SPATA22: variants seen among roughly 807,000 people sequenced by gnomAD.
The protein encoded by SPATA22 is spermatogenesis associated 22.
A neutral mutation model predicts 47.8 loss-of-function variants in SPATA22; 29 were observed. The observed-to-expected ratio is 0.61, with a 90% CI of 0.45 to 0.83. The LOEUF (loss-of-function observed/expected upper bound fraction) is 0.83, where lower values mean the gene tolerates loss of function less well. Among genes scored for constraint, SPATA22 ranks in the 40% least tolerant of loss-of-function variants. The pLI, the probability that SPATA22 is intolerant of heterozygous loss-of-function variation, is 0.00. For missense variants in SPATA22, 410 were observed against 421.7 expected (o/e 0.97, Z 0.24); for synonymous variants, 133 against 140.9 (o/e 0.94, Z 0.40).
intron 1 of SPATA22, among the ~76,000 whole-genome samples, chr17:3,505,242 C>T (rs1401352747): frequency 6.6e-6 from 1 of 152,192 alleles, no homozygotes; most frequent in Non-Finnish European, 1.5e-5. Flanking sequence ...AAATTGCAAC[C>T]GTAATGCTTT....
intron 7 of SPATA22, among the ~76,000 whole-genome samples, chr17:3,445,610 C>T (rs1045744329): frequency 2.0e-5 from 3 of 152,040 alleles, no homozygotes; most frequent in Admixed American, 6.6e-5. Flanking sequence ...TACTTTGTTA[C>T]GCAGCAATTG....
chr17:3,468,935 A>AT, intron 2 of SPATA22: 1 of 751,750 alleles, frequency 1.3e-6, no homozygotes, highest in Non-Finnish European at 1.6e-6. Context: ...AGGAGAAGCT[A>AT]TTAGAAAGAC....
rs967025908 is a variant in SPATA22 at position 3,490,362 on chromosome 17, TA to T, written c.-73-20965del. Among the ~76,000 whole-genome samples the T allele has an allele frequency of 1.3e-5, 2 of 152,174 alleles. No individual in the cohort carries two copies. The highest frequency in any genetic ancestry group is 6.5e-5 in the Admixed American group (1 of 15,276). Reference sequence around the variant, plus strand: ...ACTGCACTAAAAAGTCTATTAGTTATAAAAAAAGTTTACTTTAAAATGGAAA... The same window carrying T: ...ACTGCACTAAAAAGTCTATTAGTTATAAAAAAGTTTACTTTAAAATGGAAA... On this transcript the variant is annotated intron_variant, in intron 1 of 8. Coordinates refer to the SPATA22 transcript ENST00000541913. This position sits in a 1 kb window ranked among gnomAD's most constrained non-coding sequence, Gnocchi z 4.6.
intron 5 of SPATA22, among the ~76,000 whole-genome samples, chr17:3,460,735 A>G (rs2073105735): frequency 6.8e-6 from 1 of 146,556 alleles, no homozygotes; most frequent in Non-Finnish European, 1.5e-5. Context: ...CAAGGTTGCA[A>G]TGAGCTATGA....
At chr17:3,479,210 T>A (rs2073584868) in intron 1 of SPATA22, among the ~76,000 whole-genome samples, 1 of 152,178 alleles carries the variant, frequency 6.6e-6, no homozygotes. Flanking sequence ...TTGGGACTCT[T>A]CCAATGGGAG....
chr17:3,504,636 C>A (rs1390340994), intron 1 of SPATA22, among the ~76,000 whole-genome samples: 3 of 151,272 alleles, frequency 2.0e-5, no homozygotes, highest in African/African-American at 7.3e-5. Context: ...CGGCTCACCG[C>A]AACCTCTGCC....
intron 5 of SPATA22, among the ~76,000 whole-genome samples, chr17:3,459,154 G>A (rs1004449868): frequency 6.6e-6 from 1 of 152,054 alleles, no homozygotes; most frequent in Non-Finnish European, 1.5e-5. Context: ...CAGTCAAAGG[G>A]TACAAACTTT....
chr17:3,463,332 G>C lies in SPATA22; in HGVS notation c.173-565C>G, dbSNP rs1487065771. ...TACACAAAGCTGGAGAGTACAGCTT[G>C]CTACACACCTAGGCTATATGTTACA... On this transcript the variant is annotated intron_variant, in intron 3 of 8. Coordinates refer to ENST00000572969, the MANE Select transcript of SPATA22 (RefSeq NM_001170698.2). Among the ~76,000 whole-genome samples, 4 of 152,132 alleles carry C rather than the reference G, an allele frequency of 2.6e-5. No individual in the cohort carries two copies. In the East Asian group the frequency reaches 7.7e-4, roughly 29 times the overall value.
At chr17:3,471,133 C>T (rs1010821764) in intron 1 of SPATA22, among the ~76,000 whole-genome samples, 4 of 149,122 alleles carry the variant, frequency 2.7e-5, no homozygotes, top group African/African-American at 7.5e-5. Context: ...CCAGCCTGGG[C>T]GACAGAGCGA....
intron 1 of SPATA22, among the ~76,000 whole-genome samples, chr17:3,505,757 T>C (rs1237737700): frequency 4.7e-5 from 1 of 21,090 alleles, no homozygotes; most frequent in Non-Finnish European, 3.6e-4. Flanking sequence ...TTGTTTTTTG[T>C]TTTTTTTTTT....
intron 3 of SPATA22, among the ~76,000 whole-genome samples, chr17:3,463,670 T>A (rs1219514403): frequency 4.8e-5 from 7 of 147,138 alleles, no homozygotes; most frequent in Non-Finnish European, 1.1e-4. Context: ...TAAAAAAAAA[T>A]AAACTGTGCT....
At chr17:3,473,750 G>C (rs150030677), upstream of SPATA22, among the ~76,000 whole-genome samples, 22 of 152,124 alleles carry the variant, frequency 1.4e-4, 1 homozygote, top group South Asian at 2.7e-3. Context: ...CGCCCACCTC[G>C]GCCTCCCAAA....
intron 8 of SPATA22, chr17:3,441,305 C>A (rs1363046404): frequency 1.3e-5 from 2 of 152,016 alleles, no homozygotes; most frequent in East Asian, 3.9e-4. Context: ...AATAGTTTTT[C>A]TTTTTAATTC....
At position 3,486,229 on chromosome 17, in the gene SPATA22, C is replaced by T. The variant is rs527612597; in HGVS notation, c.-73-16831G>A. Among the ~76,000 whole-genome samples the T allele has an allele frequency of 7.7e-4, 117 of 152,256 alleles. 1 individual carries two copies. In the South Asian group the frequency reaches 0.011, roughly 14 times the overall value. On this transcript the variant is annotated intron_variant, in intron 1 of 8. Transcript: ENST00000541913. Reference sequence around the variant, plus strand: ...GATTACAGGCGTGAGCCACCGCACCCGGCTGTGAACCTTCATTTTTATAAT... The same window carrying T: ...GATTACAGGCGTGAGCCACCGCACCTGGCTGTGAACCTTCATTTTTATAAT...
At chr17:3,508,897 T>TAAAAAAAAAA (rs59201485) in intron 1 of SPATA22, among the ~76,000 whole-genome samples, 3 of 112,990 alleles carry the variant, frequency 2.7e-5, no homozygotes, top group African/African-American at 3.7e-5. Flanking sequence ...GCTTAAAGTA[T>TAAAAAAAAAA]AAAAAAAAAA....
intron 1 of SPATA22, among the ~76,000 whole-genome samples, chr17:3,504,841 G>A (rs1341000580): frequency 6.6e-6 from 1 of 152,126 alleles, no homozygotes; most frequent in Non-Finnish European, 1.5e-5. Context: ...TTACAGGCAG[G>A]AGCCGCCGCA....
intron 1 of SPATA22, chr17:3,481,672 A>G (rs2073631286): frequency 1.9e-6 from 3 of 1,613,962 alleles, no homozygotes; most frequent in East Asian, 2.2e-5. Context: ...TATTTGGTCC[A>G]AAAGACAGTG....
intron 5 of SPATA22, among the ~76,000 whole-genome samples, chr17:3,457,352 C>T (rs1018522646): frequency 5.3e-5 from 8 of 152,008 alleles, no homozygotes; most frequent in Non-Finnish European, 4.4e-5. Flanking sequence ...TCAGCAAAGT[C>T]TCAGGATACA....
At chr17:3,481,553 A>G (rs374917882) in intron 1 of SPATA22, 2 of 1,517,874 alleles carry the variant, frequency 1.3e-6, no homozygotes, top group African/African-American at 2.7e-5. Context: ...ATATGTTTAT[A>G]TTATCTCAGG....
Sources: allele counts gnomAD v4.1 joint callset (sites outside exome capture counted in the v4.1 genomes callset), GRCh38; gene constraint gnomAD v4.1.1; non-coding constraint Gnocchi (gnomAD v3.1); transcripts MANE v1.5; gene names NCBI Gene and HGNC (gene_info 2026-07-23, HGNC 2026-07-21).